The following CUBN variants were observed in gnomAD, a reference collection of about 807,000 sequenced individuals.
The protein encoded by CUBN is cubilin, also known as 460 kDa receptor.
Under a neutral mutation model 405.3 loss-of-function variants are expected in CUBN, and 282 were observed. That is an observed-to-expected ratio of 0.70 (90% confidence interval 0.63 to 0.77). CUBN has a LOEUF of 0.77. Among genes scored for constraint, CUBN ranks in the 30% least tolerant of loss-of-function variants. CUBN has a pLI of 0.00. For synonymous variants in CUBN, 1,684 were observed against 1,617.0 expected (o/e 1.04, Z -0.99); for missense variants, 4,514 against 4,475.2 (o/e 1.01, Z -0.25).
At chr10:16,906,175 G>T (rs376735706) in intron 50 of CUBN, 28 bp downstream of exon 50, 1 of 1,478,108 alleles carries the variant, frequency 6.8e-7, no homozygotes, top group East Asian at 2.3e-5. Context: ...TAGATAAATG[G>T]GAAAACGCAT....
chr10:16,967,309 G>C (rs1843420464), intron 31 of CUBN, among the ~76,000 whole-genome samples: 1 of 152,166 alleles, frequency 6.6e-6, no homozygotes. Flanking sequence ...ACTTGCAGTT[G>C]TTGCGAGCAC....
intron 36 of CUBN, among the ~76,000 whole-genome samples, chr10:16,942,092 C>T (rs957897462): frequency 6.6e-6 from 1 of 152,098 alleles, no homozygotes; most frequent in Non-Finnish European, 1.5e-5. Context: ...CAGAGCAATG[C>T]AACTTAAATA....
At chr10:16,911,316 C>T (rs116680586) in intron 48 of CUBN, among the ~76,000 whole-genome samples, 1,627 of 152,206 alleles carry the variant, frequency 0.011, 26 homozygotes, top group African/African-American at 0.037. Flanking sequence ...AACTGAACAG[C>T]AATTTAAGCA....
At chr10:17,045,877 A>G (rs767483564) in intron 24 of CUBN, 57 bp downstream of exon 24, 15 of 1,573,172 alleles carry the variant, frequency 9.5e-6, no homozygotes, top group Non-Finnish European at 1.3e-5. Context: ...ACAATCCCAG[A>G]ATCAAGAAAC....
chr10:16,994,490 A>G (rs1455115766), intron 28 of CUBN, among the ~76,000 whole-genome samples: 1 of 152,194 alleles, frequency 6.6e-6, no homozygotes, highest in Non-Finnish European at 1.5e-5. Context: ...TGCCATTACC[A>G]GTCATATTTG....
At chr10:16,869,333 T>G (rs1588604636) in intron 59 of CUBN, among the ~76,000 whole-genome samples, 1 of 151,882 alleles carries the variant, frequency 6.6e-6, no homozygotes, top group East Asian at 1.9e-4. Context: ...GCCCAGCTAA[T>G]TTTTGTATTT....
chr10:16,926,312 G>A (rs1842188027), intron 41 of CUBN, among the ~76,000 whole-genome samples: 1 of 152,186 alleles, frequency 6.6e-6, no homozygotes, highest in Admixed American at 6.5e-5. Flanking sequence ...GAGGCAGAAT[G>A]AGAGATTCCA....
At chr10:16,843,722 T>C (rs141712618) in intron 60 of CUBN, among the ~76,000 whole-genome samples, 156 of 152,322 alleles carry the variant, frequency 1.0e-3, no homozygotes, top group African/African-American at 3.7e-3. Context: ...CAAGGACATG[T>C]AAAGCCCTTT....
intron 31 of CUBN, among the ~76,000 whole-genome samples, chr10:16,961,570 A>AAATAAAG (rs1843217883): frequency 6.6e-6 from 1 of 152,186 alleles, no homozygotes; most frequent in Non-Finnish European, 1.5e-5. Context: ...TAATGTGGGA[A>AAATAAAG]AATAAAGAAG....
intron 13 of CUBN, among the ~76,000 whole-genome samples, chr10:17,100,472 A>C (rs182302819): frequency 6.6e-6 from 1 of 152,350 alleles, no homozygotes; most frequent in East Asian, 1.9e-4. Flanking sequence ...TAATGTTAAT[A>C]ACATAGATTT....
chr10:17,049,045 C>T (rs990692343), intron 22 of CUBN, among the ~76,000 whole-genome samples: 1 of 152,088 alleles, frequency 6.6e-6, no homozygotes, highest in Non-Finnish European at 1.5e-5. Flanking sequence ...TGTTTAACTC[C>T]AAAAGTATAG....
chr10:16,909,160 C>T (rs1411460678), intron 48 of CUBN, among the ~76,000 whole-genome samples: 1 of 152,090 alleles, frequency 6.6e-6, no homozygotes, highest in Non-Finnish European at 1.5e-5. Context: ...GCTGGGATTA[C>T]AGGCGTGAGC....
chr10:17,011,482 C>A (rs1443650667), intron 28 of CUBN, among the ~76,000 whole-genome samples: 21 of 151,862 alleles, frequency 1.4e-4, no homozygotes, highest in Admixed American at 1.4e-3. Context: ...AAGCCGCAAA[C>A]CTTCACAGTG....
chr10:17,014,874 A>G (rs576239411), intron 28 of CUBN, among the ~76,000 whole-genome samples: 20 of 152,200 alleles, frequency 1.3e-4, no homozygotes, highest in Non-Finnish European at 2.6e-4. Context: ...GTATCCTCAA[A>G]GGCAAAGAGA....
chr10:16,825,671 GTGTT>G (rs1334782843), intron 66 of CUBN, among the ~76,000 whole-genome samples: 8 of 147,178 alleles, frequency 5.4e-5, no homozygotes, highest in East Asian at 2.0e-4. Context: ...GTGTGTGTGT[GTGTT>G]GGGGGGATAC....
At chr10:16,926,958 T>A (rs1274682896) in intron 41 of CUBN, among the ~76,000 whole-genome samples, 1 of 151,892 alleles carries the variant, frequency 6.6e-6, no homozygotes, top group East Asian at 1.9e-4. Flanking sequence ...TAATATGTAG[T>A]TTTTTATCCC....
At chr10:16,831,455 T>G in intron 64 of CUBN, 38 bp from the exon 65 acceptor site, 1 of 1,553,864 alleles carries the variant, frequency 6.4e-7, no homozygotes, top group Non-Finnish European at 8.9e-7. Context: ...ACTTACACTT[T>G]CTTCTCTAAG....
At chr10:17,085,876 T>A (rs138978176) in intron 15 of CUBN, 117 bp from the exon 16 acceptor site, 1 of 938,920 alleles carries the variant, frequency 1.1e-6, no homozygotes, top group African/African-American at 1.6e-5. Flanking sequence ...CAAGGAAGTT[T>A]CCCCATCACA....
chr10:16,933,194 C>T lies in CUBN; in HGVS notation c.6017G>A (p.Cys2006Tyr), dbSNP rs1842409214. Reference protein sequence around the residue: ...WPDSYSNRVDCTWLIQAPDST... With the variant: ...WPDSYSNRVDYTWLIQAPDST... ...GTCGGGAGCCTGGATGAGCCACGTA[C>T]AGTCCACTCTATTACTGTAACTGTC... Residue 2006 changes from cysteine (C) to tyrosine (Y), a missense_variant, in exon 40 of 67, where the codon TGT becomes TAT. Physicochemically the swap from Cys to Tyr is radical, Grantham distance 194. Transcript: ENST00000377833. The T allele has an allele frequency of 6.2e-7, 1 of 1,613,978 alleles. No homozygotes were observed. The highest frequency in any genetic ancestry group is 1.1e-5 in the South Asian group (1 of 91,082).
Sources: gnomAD v4.1 joint callset for allele counts (sites outside exome capture counted in the v4.1 genomes callset) on GRCh38, gnomAD v4.1.1 for gene constraint, MANE v1.5 for transcripts, NCBI Gene and HGNC (gene_info 2026-07-23, HGNC 2026-07-21) for gene names.